The following CNTN2 variants were observed in gnomAD, a reference collection of about 807,000 sequenced individuals.
CNTN2 encodes the protein contactin-2.
CNTN2 carries 53 observed loss-of-function variants against 117.5 expected under a neutral mutation model. The ratio of observed to expected loss-of-function variants is 0.45; its 90% CI spans 0.36 to 0.57. The LOEUF is 0.57. Ranked by LOEUF, CNTN2 falls within the 20% of genes least tolerant of loss-of-function variation. CNTN2 has a pLI of 0.00. For missense variants in CNTN2, 1,106 were observed against 1,404.3 expected (o/e 0.79, Z 3.39); for synonymous variants, 530 against 561.7 (o/e 0.94, Z 0.80).
At position 205,065,988 on chromosome 1, in the gene CNTN2, T is replaced by G; in HGVS notation, c.1816+79T>G. 6.7e-7 allele frequency: 1 copy of G among 1,486,530 alleles called. No individual in the cohort carries two copies. The highest frequency in any genetic ancestry group is 9.0e-7 in the Non-Finnish European group (1 of 1,109,012). 92.1% of individuals were successfully genotyped at this position (1,486,530 alleles called of 1,614,324 possible). A position where few individuals can be genotyped will look rare whatever the true frequency, so the allele number is the denominator to read the frequency against. On this transcript the variant is annotated intron_variant, in intron 14 of 22. Transcript: ENST00000331830. This position sits in a 1 kb window ranked among gnomAD's most constrained non-coding sequence, Gnocchi z 4.1. ...GCTGTTCTGACCTGCTCGCCTCATCTCCCCTCCCTTCCCTCAAAGCTGCGG... is the reference window on the plus strand; with the variant it reads ...GCTGTTCTGACCTGCTCGCCTCATCGCCCCTCCCTTCCCTCAAAGCTGCGG...
chr1:205,051,258 G>T (rs190285611), intron 1 of CNTN2, among the ~76,000 whole-genome samples: 1 of 152,336 alleles, frequency 6.6e-6, no homozygotes, highest in East Asian at 1.9e-4. Context: ...TAATGGAGAT[G>T]GACACAGTTC....
intron 21 of CNTN2, 22 bp downstream of exon 21, chr1:205,072,617 C>G: frequency 1.3e-6 from 2 of 1,553,848 alleles, no homozygotes; most frequent in Non-Finnish European, 1.8e-6. Context: ...ATCAGCTAGG[C>G]CCAGAATGGG....
At chr1:205,054,336 T>C (rs1180885502) in intron 2 of CNTN2, among the ~76,000 whole-genome samples, 1 of 152,220 alleles carries the variant, frequency 6.6e-6, no homozygotes, top group African/African-American at 2.4e-5. Flanking sequence ...TCCTCACTGC[T>C]TCCCAGTCCT....
chr1:205,072,901 A>G, intron 21 of CNTN2, 167 bp from the exon 22 acceptor site: 1 of 737,442 alleles, frequency 1.4e-6, no homozygotes, highest in Non-Finnish European at 2.2e-6. Context: ...GTGGCCTGCA[A>G]GCTTTCCTCC....
rs766545038 is a variant in CNTN2 at position 205,058,510 on chromosome 1, C to T, written c.392-58C>T. 56 of 1,584,196 alleles carry T rather than the reference C, an allele frequency of 3.5e-5. No individual in the cohort carries two copies. The highest frequency in any genetic ancestry group is 2.2e-5 in the East Asian group (1 of 44,542). ...TGCTGCTTCTCCGTGAAGGATGAGT[C>T]GGGGAGGGGCTCGCAGGCCAGGAGG... is the stretch of plus-strand genomic sequence containing the variant. On this transcript the variant is annotated intron_variant, in intron 4 of 22. Transcript: ENST00000331830. This position sits in a 1 kb window ranked among gnomAD's most constrained non-coding sequence, Gnocchi z 4.3.
chr1:205,046,242 T>C (rs1443326240), intron 1 of CNTN2, among the ~76,000 whole-genome samples: 1 of 152,206 alleles, frequency 6.6e-6, no homozygotes, highest in East Asian at 1.9e-4. Context: ...AGGAGTGTGA[T>C]ATTCTCATCC....
intron 2 of CNTN2, among the ~76,000 whole-genome samples, chr1:205,055,386 G>A (rs1427889578): frequency 6.6e-6 from 1 of 152,118 alleles, no homozygotes; most frequent in African/African-American, 2.4e-5. Flanking sequence ...GGCAAGTGTG[G>A]GTGTGTGAGG....
At chr1:205,051,039 A>G (rs1181438048) in intron 1 of CNTN2, among the ~76,000 whole-genome samples, 2 of 152,236 alleles carry the variant, frequency 1.3e-5, no homozygotes, top group Non-Finnish European at 2.9e-5. Context: ...ATGTAACCCC[A>G]TCGTAAGTCA....
At position 205,064,425 on chromosome 1, in the gene CNTN2, C is replaced by T. The variant is rs778178054; in HGVS notation, c.1344C>T (p.Ala448=). The T allele has an allele frequency of 4.2e-5, 68 of 1,612,730 alleles. No individual in the cohort carries two copies. The Admixed American group carries it at 5.2e-4, about 12-fold the overall frequency. ...GCCAGCCCCGGGCAGCTCCAAAGGC[C>T]GTGGTGCTCTGGAGCAAAGGCACGG... ...IPCQPRAAPK[A]VVLWSKGTEI... is the part of the protein sequence containing the mutation. Residue 448 remains alanine, a synonymous_variant, in exon 11 of 23, where the codon GCC becomes GCT. Transcript: ENST00000331830.
Position 205,058,529 on chromosome 1 carries a change from C to A in CNTN2, c.392-39C>A, listed in dbSNP as rs1553343400. 2 of 1,599,734 alleles carry A rather than the reference C, an allele frequency of 1.3e-6. No homozygotes were observed. The highest frequency in any genetic ancestry group is 1.7e-6 in the Non-Finnish European group (2 of 1,168,130). ...ATGAGTCGGGGAGGGGCTCGCAGGC[C>A]AGGAGGACAGTGCCTGAGCCCCTGG... On this transcript the variant is annotated intron_variant, in intron 4 of 22. Coordinates refer to ENST00000331830, the MANE Select transcript of CNTN2 (RefSeq NM_005076.5). This position sits in a 1 kb window ranked among gnomAD's most constrained non-coding sequence, Gnocchi z 4.3.
In CNTN2 at chr1:205,069,605, C is replaced by T. The variant is rs371856668; in HGVS notation, c.2196+44C>T. ...ATGTCCTCCTCCTCCTCCCTGACCCCTCTCCCGCTTGAGCAGCTGCAGAAA... is the reference window on the plus strand; with the variant it reads ...ATGTCCTCCTCCTCCTCCCTGACCCTTCTCCCGCTTGAGCAGCTGCAGAAA... On this transcript the variant is annotated intron_variant, in intron 17 of 22. Transcript: ENST00000331830. The T allele has an allele frequency of 3.1e-4, 486 of 1,588,844 alleles. 1 individual carries two copies. Among genetic ancestry groups the T allele is most frequent in the Non-Finnish European group, 3.1e-4 (356 of 1,166,570 alleles).
chr1:205,047,999 G>A (rs2096444671), intron 1 of CNTN2, among the ~76,000 whole-genome samples: 1 of 152,176 alleles, frequency 6.6e-6, no homozygotes. Flanking sequence ...CAGGCAGGTT[G>A]ACTCAATGGC....
chr1:205,069,882 G>A lies in CNTN2; in HGVS notation c.2252G>A (p.Arg751His). 6.2e-7 allele frequency: 1 copy of A among 1,613,808 alleles called. No individual in the cohort carries two copies. Residue 751 changes from arginine (R) to histidine (H), a missense_variant, in exon 18 of 23, where the codon CGC becomes CAC. Coordinates refer to ENST00000331830, the MANE Select transcript of CNTN2 (RefSeq NM_005076.5). Reference sequence around the variant, plus strand: ...GGCTTCGGCTACCTGCTGTCCTTCCGCAGGCAGGGCAGCACTCACTGGCAG... The same window carrying A: ...GGCTTCGGCTACCTGCTGTCCTTCCACAGGCAGGGCAGCACTCACTGGCAG... Reference protein sequence around the residue: ...GDGFGYLLSFRRQGSTHWQTA... With the variant: ...GDGFGYLLSFHRQGSTHWQTA...
In CNTN2 at chr1:205,064,470, C is replaced by G; in HGVS notation, c.1389C>G (p.Ser463Arg). 3 of 1,607,924 alleles carry G rather than the reference C, an allele frequency of 1.9e-6. No homozygotes were observed. The highest frequency in any genetic ancestry group is 2.6e-6 in the Non-Finnish European group (3 of 1,175,226). The change falls in exon 11 of 23, where the codon AGC (serine) becomes AGG (arginine). Residue 463 changes from serine (S) to arginine (R), a missense_variant and splice_region_variant. Coordinates refer to ENST00000331830, the MANE Select transcript of CNTN2 (RefSeq NM_005076.5). ...GCACGGAGATTTTGGTCAACAGCAG[C>G]AGGTACCACCCACACCCCACCCTGC... ...SKGTEILVNS[S>R]RVTVTPDGTL...
chr1:205,046,463 GT>G (rs2096441733), intron 1 of CNTN2, among the ~76,000 whole-genome samples: 1 of 152,168 alleles, frequency 6.6e-6, no homozygotes, highest in Non-Finnish European at 1.5e-5. Flanking sequence ...TGACCAAGGG[GT>G]TCTCCCACCC....
At position 205,058,094 on chromosome 1, in the gene CNTN2, G is replaced by A; in HGVS notation, c.215+29G>A. The A allele has an allele frequency of 6.2e-7, 1 of 1,607,608 alleles. No individual in the cohort carries two copies. The highest frequency in any genetic ancestry group is 8.5e-7 in the Non-Finnish European group (1 of 1,177,208). On this transcript the variant is annotated intron_variant, in intron 3 of 22. Transcript: ENST00000331830. This position sits in a 1 kb window ranked among gnomAD's most constrained non-coding sequence, Gnocchi z 4.3. ...AGGCCTCTGCAGTGGGTGCTGGGAG[G>A]CCCTGGGCAGCCGTTGAACTTTCCC...
rs1157922069 is a variant in CNTN2, at chr1:205,074,604, G to A, written c.*839G>A. On this transcript the variant is annotated 3_prime_UTR_variant, in exon 23 of 23. Transcript: ENST00000331830. ...TGACTAAAGGGCTTGTCTTGGTGGGGTCTCCCACCCCTCCAAGACCCATTC... is the reference window on the plus strand; with the variant it reads ...TGACTAAAGGGCTTGTCTTGGTGGGATCTCCCACCCCTCCAAGACCCATTC... 2 of 398,912 alleles carry A rather than the reference G, an allele frequency of 5.0e-6. No individual in the cohort carries two copies. Among genetic ancestry groups the A allele is most frequent in the Non-Finnish European group, 4.4e-6 (1 of 226,104 alleles). The allele number at this position is 398,912 out of a possible 1,614,324, so 24.7% of individuals were successfully genotyped here.
chr1:205,067,160 A>G lies in CNTN2; in HGVS notation c.2035A>G (p.Met679Val). 1 of 1,614,098 alleles carries G rather than the reference A, an allele frequency of 6.2e-7. No homozygotes were observed. The change falls in exon 16 of 23, where the codon ATG (methionine) becomes GTG (valine). Residue 679 changes from methionine (M) to valine (V), a missense_variant. Met to Val is a conservative substitution (Grantham distance 21). Coordinates refer to ENST00000331830, the MANE Select transcript of CNTN2 (RefSeq NM_005076.5). Reference protein sequence around the residue: ...TAQVLGLTPWMDYEFRVIASN... With the variant: ...TAQVLGLTPWVDYEFRVIASN... ...ACAGGTGCTGGGCCTCACCCCCTGG[A>G]TGGACTATGAGTTCCGGGTCATAGC... is the stretch of plus-strand genomic sequence containing the variant.
At position 205,073,806 on chromosome 1, in the gene CNTN2, T is replaced by C; in HGVS notation, c.*41T>C. 6.5e-7 allele frequency: 1 copy of C among 1,543,776 alleles called. No homozygotes were observed. The highest frequency in any genetic ancestry group is 8.9e-7 in the Non-Finnish European group (1 of 1,123,684). ...CTCTGCGCCGCAGCTGGACGCCACC[T>C]CCGACGGACACAGCCAGCCCCTTCC... On this transcript the variant is annotated 3_prime_UTR_variant, in exon 23 of 23. Transcript: ENST00000331830. This position sits in a 1 kb window ranked among gnomAD's most constrained non-coding sequence, Gnocchi z 6.3.
Sources: allele counts gnomAD v4.1 joint callset (sites outside exome capture counted in the v4.1 genomes callset), GRCh38; gene constraint gnomAD v4.1.1; non-coding constraint Gnocchi (gnomAD v3.1); transcripts MANE v1.5; gene names NCBI Gene and HGNC (gene_info 2026-07-23, HGNC 2026-07-21).